SEC23IP: variants seen among roughly 807,000 people sequenced by gnomAD.
SEC23IP encodes SEC23 interacting protein, also known as SEC23-interacting protein.
A neutral mutation model predicts 113.4 loss-of-function variants in SEC23IP; 70 were observed. The observed-to-expected ratio is 0.62, with a 90% CI of 0.51 to 0.75. SEC23IP has a LOEUF of 0.75. Ranked by LOEUF, SEC23IP falls within the 30% of genes least tolerant of loss-of-function variation. SEC23IP has a pLI of 0.00. For synonymous variants in SEC23IP, 398 were observed against 421.0 expected, an observed-to-expected ratio of 0.95 and a Z score of 0.67; for missense variants, 1,160 against 1,204.9, an observed-to-expected ratio of 0.96 and a Z score of 0.55.
rs1481630305 is a variant in SEC23IP at position 119,942,956 on chromosome 10, C to T, written c.*2391C>T. 2.0e-5 allele frequency: 3 copies of T among 152,058 alleles called. No homozygotes were observed. The highest frequency in any genetic ancestry group is 2.1e-4 in the South Asian group (1 of 4,814). 9.4% of individuals were successfully genotyped at this position (152,058 alleles called of 1,614,324 possible). A position where few individuals can be genotyped will look rare whatever the true frequency, so the allele number is the denominator to read the frequency against. ...CCTGTACATGAAAAGGAGGAGATGC[C>T]GCTATCTTGGCAGGGATGATCATGT... On this transcript the variant is annotated 3_prime_UTR_variant, in exon 19 of 19. Transcript: ENST00000369075.
chr10:119,939,453 G>A (rs1023251910), intron 18 of SEC23IP, among the ~76,000 whole-genome samples: 7 of 151,932 alleles, frequency 4.6e-5, no homozygotes, highest in Admixed American at 3.3e-4. Flanking sequence ...AGGCCAAGGC[G>A]GATCACAAGG....
At chr10:119,901,796 C>T (rs766266825) in intron 2 of SEC23IP, among the ~76,000 whole-genome samples, 1 of 152,136 alleles carries the variant, frequency 6.6e-6, no homozygotes, top group African/African-American at 2.4e-5. Context: ...AAGCGATTCT[C>T]CTGCCTCAGC....
At chr10:119,897,121 G>A (rs781342191) in intron 1 of SEC23IP, among the ~76,000 whole-genome samples, 13 of 152,210 alleles carry the variant, frequency 8.5e-5, no homozygotes, top group Admixed American at 3.3e-4. Context: ...CAAGGGCAGG[G>A]ACCGAAGTGT....
At chr10:119,912,225 T>G (rs1854888228) in intron 6 of SEC23IP, 61 bp downstream of exon 6, 2 of 1,540,564 alleles carry the variant, frequency 1.3e-6, no homozygotes, top group Non-Finnish European at 1.8e-6. Flanking sequence ...AGCATCATTC[T>G]TTAGAATGAT....
At chr10:119,902,556 T>C (rs1258697095) in intron 2 of SEC23IP, among the ~76,000 whole-genome samples, 1 of 105,592 alleles carries the variant, frequency 9.5e-6, no homozygotes, top group Non-Finnish European at 2.0e-5. Context: ...AGGCATGCAA[T>C]GTGTAATCAT....
chr10:119,927,200 C>T (rs533502402), intron 13 of SEC23IP, among the ~76,000 whole-genome samples: 24 of 152,332 alleles, frequency 1.6e-4, no homozygotes, highest in South Asian at 6.2e-4. Flanking sequence ...ATCGGGCCTC[C>T]AGCTGCATTT....
chr10:119,913,672 A>G (rs1172649311), intron 6 of SEC23IP, among the ~76,000 whole-genome samples: 3 of 151,280 alleles, frequency 2.0e-5, no homozygotes, highest in Non-Finnish European at 4.4e-5. Context: ...TTGTATTTTT[A>G]GTGGAGACAG....
At chr10:119,923,694 G>C (rs11199122) in intron 12 of SEC23IP, among the ~76,000 whole-genome samples, 1 of 151,902 alleles carries the variant, frequency 6.6e-6, no homozygotes, top group Admixed American at 6.6e-5. Context: ...GATTATAGGC[G>C]TCTGCCACCA....
rs763191997 is a variant in SEC23IP, at chr10:119,917,861, A to G, written c.1570A>G (p.Ser524Gly). The change falls in exon 9 of 19, where the codon AGT becomes GGT. Residue 524 changes from serine to glycine, a missense_variant. Coordinates refer to ENST00000369075, the MANE Select transcript of SEC23IP (RefSeq NM_007190.4). ...DRNIKKITLP[S>G]IGRFRHFTNE... is the part of the protein sequence containing the mutation. ...GAATATTAAGAAAATCACTTTGCCA[A>G]GTATTGGTCGATTTCGTCACTTTAC... The G allele has an allele frequency of 3.7e-6, 6 of 1,613,834 alleles. No individual in the cohort carries two copies. Among genetic ancestry groups the G allele is most frequent in the Non-Finnish European group, 5.1e-6 (6 of 1,179,896 alleles).
rs41317276 is a variant in SEC23IP, at chr10:119,941,079, T to C, written c.*514T>C. ...TAAAATGTGAATTGTACTTCTGAGC[T>C]GCCTTAATGCAAGGTCATTTATATT... is the stretch of plus-strand genomic sequence containing the variant. On this transcript the variant is annotated 3_prime_UTR_variant, in exon 19 of 19. Coordinates refer to ENST00000369075, the MANE Select transcript of SEC23IP (RefSeq NM_007190.4). 2.0e-5 allele frequency: 3 copies of C among 152,346 alleles called. No individual in the cohort carries two copies. The highest frequency in any genetic ancestry group is 2.9e-5 in the Non-Finnish European group (2 of 68,040). 9.4% of individuals were successfully genotyped at this position (152,346 alleles called of 1,614,324 possible). A position where few individuals can be genotyped will look rare whatever the true frequency, so the allele number is the denominator to read the frequency against.
In SEC23IP at chr10:119,941,468, CAA is replaced by C. The variant is rs1855962668; in HGVS notation, c.*904_*905del. On this transcript the variant is annotated 3_prime_UTR_variant, in exon 19 of 19. Coordinates refer to ENST00000369075, the MANE Select transcript of SEC23IP (RefSeq NM_007190.4). ...TGAGTTATATAAGGCTACTTCATGACAAGACTGCTTTGTAATATTTCACTTTG... is the reference window on the plus strand; with the variant it reads ...TGAGTTATATAAGGCTACTTCATGACGACTGCTTTGTAATATTTCACTTTG... 2.0e-5 allele frequency: 3 copies of C among 152,224 alleles called. No homozygotes were observed. The South Asian group carries it at 6.2e-4, about 31-fold the overall frequency. The allele number at this position is 152,224 out of a possible 1,614,324, so 9.4% of individuals were successfully genotyped here. A position where few individuals can be genotyped will look rare whatever the true frequency, so the allele number is the denominator to read the frequency against.
At chr10:119,911,773 C>A (rs2134479474) in intron 5 of SEC23IP, among the ~76,000 whole-genome samples, 1 of 152,186 alleles carries the variant, frequency 6.6e-6, no homozygotes, top group Admixed American at 6.5e-5. Flanking sequence ...CCATACCTGG[C>A]CTATGTTATT....
intron 2 of SEC23IP, among the ~76,000 whole-genome samples, chr10:119,900,698 G>C (rs534001832): frequency 6.6e-6 from 1 of 152,064 alleles, no homozygotes; most frequent in Non-Finnish European, 1.5e-5. Context: ...GGCCTCAAGT[G>C]ATCTTCCTGC....
At chr10:119,907,588 C>T (rs755773200) in intron 4 of SEC23IP, among the ~76,000 whole-genome samples, 44 of 152,146 alleles carry the variant, frequency 2.9e-4, no homozygotes, top group Non-Finnish European at 2.2e-4. Context: ...ATCGGCCCTC[C>T]GTATCCACAG....
intron 18 of SEC23IP, among the ~76,000 whole-genome samples, chr10:119,935,559 G>C (rs1056509892): frequency 6.6e-6 from 1 of 152,052 alleles, no homozygotes; most frequent in African/African-American, 2.4e-5. Flanking sequence ...TCATCCATCT[G>C]TCCGCCCATC....
At chr10:119,922,292 C>T (rs1330876414) in intron 12 of SEC23IP, among the ~76,000 whole-genome samples, 1 of 152,048 alleles carries the variant, frequency 6.6e-6, no homozygotes, top group East Asian at 1.9e-4. Context: ...TTTCCTGTAG[C>T]ATCAGGGAAG....
chr10:119,919,426 A>T lies in SEC23IP; in HGVS notation c.1873-18A>T, dbSNP rs538468277. ...TTTTTCTGAGCTTGTAATGTTTTTCATACTTTTTTTTTTAAAGATGCCTGA... is the reference window on the plus strand; with the variant it reads ...TTTTTCTGAGCTTGTAATGTTTTTCTTACTTTTTTTTTTAAAGATGCCTGA... On this transcript the variant is annotated intron_variant, in intron 10 of 18. Coordinates refer to ENST00000369075, the MANE Select transcript of SEC23IP (RefSeq NM_007190.4). 4.0e-5 allele frequency: 63 copies of T among 1,580,570 alleles called. No individual in the cohort carries two copies. The highest frequency in any genetic ancestry group is 5.0e-5 in the Non-Finnish European group (59 of 1,170,216).
rs748850693 is a variant in SEC23IP at position 119,918,435 on chromosome 10, T to C, written c.1796T>C (p.Leu599Ser). 3 of 1,613,332 alleles carry C rather than the reference T, an allele frequency of 1.9e-6. No individual in the cohort carries two copies. Among genetic ancestry groups the C allele is most frequent in the South Asian group, 2.2e-5 (2 of 91,068 alleles). Reference sequence around the variant, plus strand: ...GACATCCTGTCTAATCAAAAAGATTTGAATTTATCAAAGTGCCCTGGACCT... The same window carrying C: ...GACATCCTGTCTAATCAAAAAGATTCGAATTTATCAAAGTGCCCTGGACCT... Reference protein sequence around the residue: ...LFDILSNQKDLNLSKCPGPLA... With the variant: ...LFDILSNQKDSNLSKCPGPLA... The change falls in exon 10 of 19, where the codon TTG becomes TCG. Residue 599 changes from leucine (L) to serine (S), a missense_variant. Coordinates refer to ENST00000369075, the MANE Select transcript of SEC23IP (RefSeq NM_007190.4).
Position 119,941,312 on chromosome 10 carries a change from G to C in SEC23IP, c.*747G>C, listed in dbSNP as rs1331761180. 6.6e-6 allele frequency: 1 copy of C among 152,182 alleles called. No individual in the cohort carries two copies. Among genetic ancestry groups the C allele is most frequent in the African/African-American group, 2.4e-5 (1 of 41,442 alleles). 9.4% of individuals were successfully genotyped at this position (152,182 alleles called of 1,614,324 possible). A position where few individuals can be genotyped will look rare whatever the true frequency, so the allele number is the denominator to read the frequency against. ...GTTTTCCATTTTGTCATCCAAGGTA[G>C]CTGTGCACTTGCCTTGTTGCTGAAG... is the stretch of plus-strand genomic sequence containing the variant. On this transcript the variant is annotated 3_prime_UTR_variant, in exon 19 of 19. Transcript: ENST00000369075.
Sources: gnomAD v4.1 joint callset for allele counts (sites outside exome capture counted in the v4.1 genomes callset) on GRCh38, gnomAD v4.1.1 for gene constraint, MANE v1.5 for transcripts, NCBI Gene and HGNC (gene_info 2026-07-23, HGNC 2026-07-21) for gene names.